Variants in ZNF407 observed in about 807,000 individuals in gnomAD.
The protein encoded by ZNF407 is zinc finger protein 407.
Under a neutral mutation model 131.2 loss-of-function variants are expected in ZNF407, and 17 were observed. That is an observed-to-expected ratio of 0.13 (90% CI 0.09 to 0.19). The LOEUF is 0.19. Among genes scored for constraint, ZNF407 ranks in the 10% least tolerant of loss-of-function variants. The probability of loss-of-function intolerance (pLI) is 1.00; values close to 1 mark genes in which losing one functional copy is unlikely to be tolerated. For missense variants in ZNF407, 2,681 were observed against 2,830.6 expected (o/e 0.95, Z 1.20); for synonymous variants, 1,156 against 1,062.0 (o/e 1.09, Z -1.72).
chr18:74,609,552 G>A (rs1305887108), intron 1 of ZNF407, among the ~76,000 whole-genome samples: 1 of 152,228 alleles, frequency 6.6e-6, no homozygotes, highest in Non-Finnish European at 1.5e-5. Flanking sequence ...CACTTACCAT[G>A]ATGGAGCTTG....
chr18:74,761,990 A>T (rs1321437183), intron 3 of ZNF407, among the ~76,000 whole-genome samples: 1 of 152,134 alleles, frequency 6.6e-6, no homozygotes, highest in Admixed American at 6.5e-5. Flanking sequence ...TAAGAAAGTT[A>T]TAGTCGTAGA....
Position 74,634,806 on chromosome 18 carries a change from C to T in ZNF407, c.3787C>T (p.Pro1263Ser), listed in dbSNP as rs763336076. The change falls in exon 2 of 9, where the codon CCT becomes TCT. Residue 1263 changes from proline (P) to serine (S), a missense_variant. By Grantham distance (74) the Pro-to-Ser change is moderately conservative. Around this residue, in one of 6 missense-constraint regions of ZNF407, gnomAD observed 1,789 missense variants for 1,748.7 expected, o/e 1.02. Coordinates refer to ENST00000299687, the MANE Select transcript of ZNF407 (RefSeq NM_017757.3). ...CGATGGGGAGCGCTCGGCTGAAAGC[C>T]CTGTGCTCGTTGTGACAAGAATAAC... The part of the protein sequence containing the change: ...TLDGERSAES[P>S]VLVVTRITRE... 5 of 1,613,848 alleles carry T rather than the reference C, an allele frequency of 3.1e-6. No homozygotes were observed. In the African/African-American group the frequency reaches 6.7e-5, roughly 22 times the overall value.
At chr18:74,791,232 T>G (rs1036372573) in intron 4 of ZNF407, among the ~76,000 whole-genome samples, 1 of 152,202 alleles carries the variant, frequency 6.6e-6, no homozygotes, top group Non-Finnish European at 1.5e-5. Flanking sequence ...TATTGCTACC[T>G]CCTCAGGTTG....
chr18:74,850,309 T>A (rs1970763643), intron 4 of ZNF407, among the ~76,000 whole-genome samples: 1 of 132,074 alleles, frequency 7.6e-6, no homozygotes, highest in South Asian at 2.4e-4. Flanking sequence ...TTGCCCAATT[T>A]TCCTCTTCTT....
rs527705533 is a variant in ZNF407 at position 74,786,688 on chromosome 18, T to C, written c.4877+5186T>C. The stretch of plus-strand genomic sequence containing the variant: ...GCTTTTGCATGAGCTGCGAACTCTT[T>C]CTGTTTTTTCATTTTTTCCATCTTT... On this transcript the variant is annotated intron_variant, in intron 4 of 8. Coordinates refer to ENST00000299687, the MANE Select transcript of ZNF407 (RefSeq NM_017757.3). 7.0e-4 allele frequency among the ~76,000 whole-genome samples: 106 copies of C among 152,026 alleles called. 1 individual carries two copies. The highest frequency in any genetic ancestry group is 2.4e-3 in the African/African-American group (100 of 41,506).
chr18:74,895,449 C>T (rs757248969), intron 7 of ZNF407, among the ~76,000 whole-genome samples: 6 of 151,952 alleles, frequency 3.9e-5, no homozygotes, highest in Non-Finnish European at 7.4e-5. Context: ...ATATATGTAT[C>T]GACATCCTTG....
At chr18:75,003,329 A>G (rs1429721437) in intron 8 of ZNF407, among the ~76,000 whole-genome samples, 1 of 152,198 alleles carries the variant, frequency 6.6e-6, no homozygotes, top group Non-Finnish European at 1.5e-5. Context: ...TTTGCTAAAT[A>G]GCTCTATTGC....
At chr18:74,612,247 T>A (rs1208194304) in intron 1 of ZNF407, among the ~76,000 whole-genome samples, 2 of 151,980 alleles carry the variant, frequency 1.3e-5, no homozygotes, top group Non-Finnish European at 2.9e-5. Context: ...GAAAAACAAG[T>A]GATACATGCA....
chr18:74,813,758 CT>C (rs1351146204), intron 4 of ZNF407, among the ~76,000 whole-genome samples: 1 of 152,320 alleles, frequency 6.6e-6, no homozygotes, highest in Admixed American at 6.5e-5. Context: ...GCTCCCACAG[CT>C]TACTCAGTAT....
intron 4 of ZNF407, among the ~76,000 whole-genome samples, chr18:74,829,463 G>T (rs1009297671): frequency 1.3e-5 from 2 of 152,128 alleles, no homozygotes; most frequent in Non-Finnish European, 2.9e-5. Flanking sequence ...CCTGGATCTC[G>T]ATTTGACTTT....
At chr18:74,789,477 G>A (rs1416543549) in intron 4 of ZNF407, among the ~76,000 whole-genome samples, 1 of 152,152 alleles carries the variant, frequency 6.6e-6, no homozygotes, top group African/African-American at 2.4e-5. Flanking sequence ...GTAGTGGAGA[G>A]GAGAATATGG....
Position 74,804,226 on chromosome 18 carries a change from C to G in ZNF407, c.4877+22724C>G, listed in dbSNP as rs562022174. On this transcript the variant is annotated intron_variant, in intron 4 of 8. Coordinates refer to ENST00000299687, the MANE Select transcript of ZNF407 (RefSeq NM_017757.3). ...AATCATCACACAAATGTAGGCTAGT[C>G]TAGTGATTTTCTGGAAGGAACTGTT... 7.2e-5 allele frequency: 89 copies of G among 1,242,564 alleles called. No homozygotes were observed. The African/African-American group carries it at 1.1e-3, about 16-fold the overall frequency. 77.0% of individuals were successfully genotyped at this position (1,242,564 alleles called of 1,614,324 possible). A position where few individuals can be genotyped will look rare whatever the true frequency, so the allele number is the denominator to read the frequency against.
intron 6 of ZNF407, 26 bp from the exon 7 acceptor site, chr18:74,889,892 C>T: frequency 6.3e-7 from 1 of 1,586,896 alleles, no homozygotes; most frequent in Non-Finnish European, 8.6e-7. Flanking sequence ...TATTATTCAT[C>T]TGTAACATTT....
chr18:74,632,941 A>G lies in ZNF407; in HGVS notation c.1922A>G (p.Asn641Ser). Residue 641 changes from asparagine to serine, a missense_variant, in exon 2 of 9, where the codon AAT (asparagine) becomes AGT (serine). Coordinates refer to ENST00000299687, the MANE Select transcript of ZNF407 (RefSeq NM_017757.3). ...CACAAAGCCACCGAGAAGCATATTA[A>G]TTCATTGGTTCAACCAAAGACTTTG... ...EEHKATEKHI[N>S]SLVQPKTLQS... 6.2e-7 allele frequency: 1 copy of G among 1,613,312 alleles called. No individual in the cohort carries two copies. Among genetic ancestry groups the G allele is most frequent in the African/African-American group, 1.3e-5 (1 of 74,964 alleles).
Position 75,063,370 on chromosome 18 carries a change from G to A in ZNF407, c.5649G>A (p.Glu1883=), listed in dbSNP as rs773063611. Residue 1883 remains glutamate (E), a synonymous_variant, in exon 9 of 9, where the codon GAG becomes GAA. Transcript: ENST00000299687. This position sits in a 1 kb window ranked among gnomAD's most constrained non-coding sequence, Gnocchi z 6.6. ...AGTTTGCCCTGGACCCCTCGGTGGA[G>A]GAGACGGCCGCCGCCACGCTGCAGA... is the stretch of plus-strand genomic sequence containing the variant. ...DGEFALDPSV[E]ETAAATLQTL... 1.2e-6 allele frequency: 2 copies of A among 1,611,378 alleles called. No homozygotes were observed. Among genetic ancestry groups the A allele is most frequent in the South Asian group, 1.1e-5 (1 of 90,984 alleles).
rs542469862 is a variant in ZNF407, at chr18:75,018,180, G to A, written c.5429-44970G>A. On this transcript the variant is annotated intron_variant, in intron 8 of 8. Coordinates refer to ENST00000299687, the MANE Select transcript of ZNF407 (RefSeq NM_017757.3). ...TTATGATCGAGTATCTGTGGAAAAT[G>A]CATGGAACTTATACTTGTCTTTAAA... Among the ~76,000 whole-genome samples the A allele has an allele frequency of 3.0e-4, 46 of 152,174 alleles. No homozygotes were observed. In the South Asian group the frequency reaches 9.5e-3, roughly 32 times the overall value.
At chr18:74,765,151 A>G (rs1234715881) in intron 3 of ZNF407, among the ~76,000 whole-genome samples, 2 of 152,168 alleles carry the variant, frequency 1.3e-5, no homozygotes, top group African/African-American at 2.4e-5. Context: ...CCTAGAACCA[A>G]TTCCCCAGGA....
At chr18:74,662,791 A>C (rs546795301) in intron 3 of ZNF407, among the ~76,000 whole-genome samples, 2 of 152,340 alleles carry the variant, frequency 1.3e-5, no homozygotes, top group Admixed American at 1.3e-4. Context: ...ACTGTCAGTC[A>C]CTTTAGAAGG....
intron 3 of ZNF407, among the ~76,000 whole-genome samples, chr18:74,756,124 C>T (rs1968956763): frequency 6.6e-6 from 1 of 151,710 alleles, no homozygotes; most frequent in African/African-American, 2.4e-5. Flanking sequence ...GAACTCCTGA[C>T]CTCATGATGT....
Sources: allele counts gnomAD v4.1 joint callset (sites outside exome capture counted in the v4.1 genomes callset), GRCh38; gene constraint gnomAD v4.1.1; regional missense constraint gnomAD v4.1.1; non-coding constraint Gnocchi (gnomAD v3.1); transcripts MANE v1.5; gene names NCBI Gene and HGNC (gene_info 2026-07-23, HGNC 2026-07-21).